The following SCHIP1 variants were observed in gnomAD, a reference collection of about 807,000 sequenced individuals.
The protein encoded by SCHIP1 is schwannomin-interacting protein 1.
SCHIP1 carries 8 observed loss-of-function variants against 29.7 expected under a neutral mutation model. The ratio of observed to expected loss-of-function variants is 0.27; its 90% confidence interval spans 0.16 to 0.49. SCHIP1 has a LOEUF of 0.49. Among genes scored for constraint, SCHIP1 ranks in the 20% least tolerant of loss-of-function variants. SCHIP1 has a pLI of 0.99. For synonymous variants in SCHIP1, 76 were observed against 94.9 expected (o/e 0.80, Z 1.16); for missense variants, 193 against 294.6 (o/e 0.66, Z 2.52).
intron 1 of SCHIP1, 70 bp from the exon 3 acceptor site, chr3:159,866,093 A>G: frequency 7.6e-7 from 1 of 1,321,838 alleles, no homozygotes; most frequent in Non-Finnish European, 1.1e-6. Flanking sequence ...GAAACTTAGC[A>G]AGTTAGACTG....
At chr3:159,332,288 A>G in the SCHIP1 span, among the ~76,000 whole-genome samples, 1 of 152,168 alleles carries the variant, frequency 6.6e-6, no homozygotes, top group South Asian at 2.1e-4. Context: ...AAGCAGTCCT[A>G]TAAGGTAGGT....
chr3:159,793,498 G>C, the SCHIP1 span, among the ~76,000 whole-genome samples: 1 of 152,086 alleles, frequency 6.6e-6, no homozygotes, highest in Non-Finnish European at 1.5e-5. Context: ...ACTTCTGAAG[G>C]CCAGAAGTCT....
the SCHIP1 span, among the ~76,000 whole-genome samples, chr3:159,339,598 T>C: frequency 6.6e-6 from 1 of 152,168 alleles, no homozygotes; most frequent in African/African-American, 2.4e-5. Context: ...AAAGTTCCCT[T>C]GGGTAATAGT....
chr3:159,601,189 C>T, the SCHIP1 span, among the ~76,000 whole-genome samples: 3 of 152,088 alleles, frequency 2.0e-5, no homozygotes, highest in Non-Finnish European at 4.4e-5. Context: ...GCAGTGGGCC[C>T]ACTTGGGTCT....
the SCHIP1 span, among the ~76,000 whole-genome samples, chr3:159,361,992 T>A: frequency 1.8e-4 from 28 of 152,318 alleles, no homozygotes; most frequent in East Asian, 1.9e-3. Flanking sequence ...AAGAGAGGTA[T>A]GATCTAGGGA....
the SCHIP1 span, among the ~76,000 whole-genome samples, chr3:159,317,997 G>C: frequency 3.9e-5 from 6 of 152,190 alleles, no homozygotes; most frequent in African/African-American, 1.2e-4. Flanking sequence ...GGTCTCTGCT[G>C]CTGGCAAATT....
chr3:159,654,188 A>G, the SCHIP1 span, among the ~76,000 whole-genome samples: 2 of 152,162 alleles, frequency 1.3e-5, no homozygotes, highest in Admixed American at 6.6e-5. Context: ...TCTTCCTCCA[A>G]GATACTCTTC....
the SCHIP1 span, among the ~76,000 whole-genome samples, chr3:159,640,865 A>G: frequency 8.5e-5 from 13 of 152,170 alleles, 1 homozygote; most frequent in Admixed American, 6.6e-5. Context: ...AAAAATGCAT[A>G]TAAGGTTAAT....
the SCHIP1 span, among the ~76,000 whole-genome samples, chr3:159,513,248 A>G: frequency 6.6e-6 from 1 of 152,182 alleles, no homozygotes; most frequent in Non-Finnish European, 1.5e-5. Context: ...GGGGGGTACA[A>G]AGACAGCTTC....
At chr3:159,560,223 C>G in the SCHIP1 span, among the ~76,000 whole-genome samples, 6 of 152,020 alleles carry the variant, frequency 3.9e-5, no homozygotes, top group Non-Finnish European at 7.4e-5. Flanking sequence ...AATGTAAATA[C>G]GATAACTACA....
the SCHIP1 span, among the ~76,000 whole-genome samples, chr3:159,653,560 G>A: frequency 6.7e-6 from 1 of 149,374 alleles, no homozygotes; most frequent in Non-Finnish European, 1.5e-5. Flanking sequence ...ACCCAGGGAG[G>A]GGAACATCAC....
the SCHIP1 span, among the ~76,000 whole-genome samples, chr3:159,607,076 A>G: frequency 6.6e-6 from 1 of 152,240 alleles, no homozygotes; most frequent in Non-Finnish European, 1.5e-5. Flanking sequence ...ACTGCAAAAG[A>G]ACAGTCTTGA....
chr3:159,518,713 G>A, the SCHIP1 span, among the ~76,000 whole-genome samples: 3 of 152,012 alleles, frequency 2.0e-5, no homozygotes, highest in Non-Finnish European at 4.4e-5. Context: ...GAAATGTAGG[G>A]GTCAGAGGTG....
the SCHIP1 span, among the ~76,000 whole-genome samples, chr3:159,301,814 T>C: frequency 1.3e-5 from 2 of 152,178 alleles, no homozygotes; most frequent in Non-Finnish European, 2.9e-5. Context: ...CTTTTCTTTA[T>C]AAATGACCCA....
chr3:159,301,376 C>CT, the SCHIP1 span, among the ~76,000 whole-genome samples: 31 of 152,150 alleles, frequency 2.0e-4, no homozygotes, highest in Admixed American at 1.6e-3. Flanking sequence ...CTTAACACGA[C>CT]TTTTTTTTCT....
At chr3:159,785,102 A>T in the SCHIP1 span, among the ~76,000 whole-genome samples, 1 of 152,258 alleles carries the variant, frequency 6.6e-6, no homozygotes, top group African/African-American at 2.4e-5. Flanking sequence ...TTTGCTTCAT[A>T]GCTCAGAGAC....
chr3:159,843,090 A>G (rs1293258671), intron 1 of SCHIP1, among the ~76,000 whole-genome samples: 3 of 141,176 alleles, frequency 2.1e-5, no homozygotes. Flanking sequence ...CAGTGGCGCA[A>G]TCAAACTCAG....
the SCHIP1 span, among the ~76,000 whole-genome samples, chr3:159,406,383 C>CA: frequency 1.3e-5 from 2 of 152,172 alleles, no homozygotes; most frequent in South Asian, 4.1e-4. Context: ...GTATATCTGG[C>CA]AAAAAATATT....
the SCHIP1 span, among the ~76,000 whole-genome samples, chr3:159,585,650 C>T: frequency 4.6e-5 from 7 of 152,110 alleles, no homozygotes; most frequent in African/African-American, 1.7e-4. Flanking sequence ...CACACTTATC[C>T]ATCTTTTATA....
Sources: allele counts gnomAD v4.1 joint callset (sites outside exome capture counted in the v4.1 genomes callset), GRCh38; gene constraint gnomAD v4.1.1; transcripts MANE v1.5; gene names NCBI Gene and HGNC (gene_info 2026-07-23, HGNC 2026-07-21).